The following CSMD1 variants were observed in gnomAD, a reference collection of about 807,000 sequenced individuals.
The protein encoded by CSMD1 is CUB and sushi domain-containing protein 1.
In CSMD1, 213 loss-of-function variants were observed where a neutral mutation model predicts 417.5. That is an observed-to-expected ratio of 0.51 (90% CI 0.46 to 0.57). The LOEUF is 0.57. CSMD1 is among the 20% of genes least tolerant of loss of function. The pLI, the probability that CSMD1 is intolerant of heterozygous loss-of-function variation, is 0.00. For missense variants in CSMD1, 6,923 were observed against 4,529.7 expected (o/e 1.53, Z -15.17); for synonymous variants, 2,862 against 1,736.8 (o/e 1.65, Z -16.11).
At chr8:3,513,061 G>T (rs993013628) in intron 10 of CSMD1, among the ~76,000 whole-genome samples, 2 of 152,200 alleles carry the variant, frequency 1.3e-5, no homozygotes, top group Middle Eastern at 6.8e-3. Context: ...TTCTAAAACG[G>T]ATAGCTGTGT....
intron 3 of CSMD1, among the ~76,000 whole-genome samples, chr8:4,093,940 A>G (rs1800854485): frequency 6.6e-6 from 1 of 152,046 alleles, no homozygotes; most frequent in African/African-American, 2.4e-5. Flanking sequence ...AACCTGAGCA[A>G]AAGAGTGACT....
At chr8:3,891,664 C>A (rs1478889202) in intron 5 of CSMD1, among the ~76,000 whole-genome samples, 2 of 146,730 alleles carry the variant, frequency 1.4e-5, no homozygotes, top group South Asian at 4.5e-4. Context: ...GCCTAGGTGA[C>A]AAAGCAAGAC....
chr8:4,408,370 C>G (rs1796459707), intron 3 of CSMD1, among the ~76,000 whole-genome samples: 1 of 152,182 alleles, frequency 6.6e-6, no homozygotes, highest in Non-Finnish European at 1.5e-5. Flanking sequence ...TCATCCTCTA[C>G]TGTCAAAAAA....
intron 3 of CSMD1, among the ~76,000 whole-genome samples, chr8:4,102,609 C>T (rs1341512485): frequency 1.3e-5 from 2 of 152,192 alleles, no homozygotes; most frequent in Non-Finnish European, 2.9e-5. Context: ...CTCATGTCTA[C>T]TCAAATGCCT....
At chr8:3,442,830 ATTTT>A (rs367559731) in intron 12 of CSMD1, among the ~76,000 whole-genome samples, 30 of 150,132 alleles carry the variant, frequency 2.0e-4, no homozygotes, top group African/African-American at 7.1e-4. Flanking sequence ...TAGTACATAG[ATTTT>A]TTTTTTGTTA....
In CSMD1 at chr8:3,409,574, T is replaced by A; in HGVS notation, c.1593A>T (p.Gly531=). The stretch of plus-strand genomic sequence containing the variant: ...CCGTCCGCTTCCCATAGGCGGGGAT[T>A]CCAGGATCCCCACACCCTCCCTTTT... ...EIEKGGCGDP[G]IPAYGKRTGS... The change falls in exon 13 of 70, where the codon GGA becomes GGT. Residue 531 remains glycine (G), a synonymous_variant. Transcript: ENST00000635120. The A allele has an allele frequency of 6.2e-7, 1 of 1,607,660 alleles. No individual in the cohort carries two copies. Among genetic ancestry groups the A allele is most frequent in the South Asian group, 1.1e-5 (1 of 89,718 alleles).
At chr8:3,057,253 T>C (rs1203556320) in intron 49 of CSMD1, among the ~76,000 whole-genome samples, 1 of 152,236 alleles carries the variant, frequency 6.6e-6, no homozygotes, top group Non-Finnish European at 1.5e-5. Flanking sequence ...ATCATCTTAA[T>C]GGTTATTTTC....
intron 23 of CSMD1, among the ~76,000 whole-genome samples, chr8:3,341,746 A>G (rs1807669900): frequency 6.6e-6 from 1 of 152,202 alleles, no homozygotes; most frequent in Non-Finnish European, 1.5e-5. Flanking sequence ...GTAGGTGTGC[A>G]TGGAACTTCC....
At chr8:3,300,958 C>CAAA (rs374180480) in intron 25 of CSMD1, among the ~76,000 whole-genome samples, 633 of 48,942 alleles carry the variant, frequency 0.013, 15 homozygotes, top group Middle Eastern at 0.031. Context: ...GACTCTGTCT[C>CAAA]AAAAAAAAAA....
chr8:3,152,881 T>C (rs1247282932), intron 39 of CSMD1, among the ~76,000 whole-genome samples: 1 of 152,174 alleles, frequency 6.6e-6, no homozygotes, highest in African/African-American at 2.4e-5. Flanking sequence ...CCTACATACA[T>C]TTAGCAGTAA....
chr8:4,003,328 G>T (rs1815848003), intron 4 of CSMD1, among the ~76,000 whole-genome samples: 1 of 152,102 alleles, frequency 6.6e-6, no homozygotes, highest in African/African-American at 2.4e-5. Context: ...GGGAGGTGGA[G>T]CTTGCAGTGA....
At chr8:3,524,466 C>T (rs1797668859) in intron 10 of CSMD1, among the ~76,000 whole-genome samples, 1 of 151,736 alleles carries the variant, frequency 6.6e-6, no homozygotes, top group Non-Finnish European at 1.5e-5. Context: ...TATGCATGCA[C>T]ACCCAGAAAG....
intron 1 of CSMD1, among the ~76,000 whole-genome samples, chr8:4,880,434 T>G (rs1803316093): frequency 2.0e-5 from 3 of 152,096 alleles, no homozygotes; most frequent in Non-Finnish European, 4.4e-5. Context: ...TACAGATGTA[T>G]GATGACTCGG....
At position 3,777,233 on chromosome 8, in the gene CSMD1, A is replaced by C. The variant is rs139283256; in HGVS notation, c.819-23191T>G. Among the ~76,000 whole-genome samples, 96 of 151,940 alleles carry C rather than the reference A, an allele frequency of 6.3e-4. No homozygotes were observed. In the East Asian group the frequency reaches 0.014, roughly 22 times the overall value. On this transcript the variant is annotated intron_variant, in intron 5 of 69. Transcript: ENST00000635120. ...AATCTGCCTTCTCCTATAGAACATG[A>C]GCTCCTTAAGGGCAGGGGTTTGTCT...
intron 7 of CSMD1, among the ~76,000 whole-genome samples, chr8:3,646,039 A>G (rs1797554414): frequency 6.7e-6 from 1 of 148,300 alleles, no homozygotes; most frequent in Non-Finnish European, 1.5e-5. Flanking sequence ...GAAATATTCT[A>G]AATTCCCAAC....
intron 10 of CSMD1, among the ~76,000 whole-genome samples, chr8:3,531,006 C>A (rs755199334): frequency 6.7e-6 from 1 of 150,316 alleles, no homozygotes; most frequent in Non-Finnish European, 1.5e-5. Flanking sequence ...GCACACACCA[C>A]CATGCCCAGC....
intron 3 of CSMD1, among the ~76,000 whole-genome samples, chr8:4,257,248 T>C (rs976888188): frequency 4.6e-5 from 7 of 152,332 alleles, no homozygotes; most frequent in South Asian, 4.1e-4. Context: ...CCATGTATTT[T>C]AATTTTATTA....
intron 2 of CSMD1, among the ~76,000 whole-genome samples, chr8:4,614,086 G>A (rs1801340963): frequency 6.6e-6 from 1 of 152,028 alleles, no homozygotes; most frequent in African/African-American, 2.4e-5. Context: ...ACAGTTTACT[G>A]GCAAGCCAAT....
intron 25 of CSMD1, among the ~76,000 whole-genome samples, chr8:3,289,604 T>G (rs1034897592): frequency 2.1e-5 from 3 of 145,194 alleles, no homozygotes; most frequent in South Asian, 4.2e-4. Context: ...TCATGTGTCT[T>G]TTGGCTGCAT....
Sources: allele counts gnomAD v4.1 joint callset (sites outside exome capture counted in the v4.1 genomes callset), GRCh38; gene constraint gnomAD v4.1.1; transcripts MANE v1.5; gene names NCBI Gene and HGNC (gene_info 2026-07-23, HGNC 2026-07-21).